LPIN1: variants seen among roughly 807,000 people sequenced by gnomAD.
LPIN1 encodes phosphatidate phosphatase LPIN1.
Under a neutral mutation model 107.5 loss-of-function variants are expected in LPIN1, and 71 were observed. The ratio of observed to expected loss-of-function variants is 0.66; its 90% CI spans 0.55 to 0.80. LPIN1 has a LOEUF of 0.80. Ranked by LOEUF, LPIN1 falls within the 30% of genes least tolerant of loss-of-function variation. The pLI, the probability that LPIN1 is intolerant of heterozygous loss-of-function variation, is 0.00. For synonymous variants in LPIN1, 445 were observed against 452.6 expected, an observed-to-expected ratio of 0.98 and a Z score of 0.21; for missense variants, 1,043 against 1,160.6, an observed-to-expected ratio of 0.90 and a Z score of 1.47.
At chr2:11,753,965 C>T (rs114983780) in intron 1 of LPIN1, among the ~76,000 whole-genome samples, 294 of 152,214 alleles carry the variant, frequency 1.9e-3, no homozygotes, top group African/African-American at 6.0e-3. Flanking sequence ...CAGTGCTGGG[C>T]GGACCACAGA....
chr2:11,694,962 C>T (rs1662497437), intron 1 of LPIN1, among the ~76,000 whole-genome samples: 1 of 152,188 alleles, frequency 6.6e-6, no homozygotes, highest in African/African-American at 2.4e-5. Context: ...GATCATCCAT[C>T]ATCTGGGCTG....
chr2:11,705,222 C>A (rs1333021060), intron 1 of LPIN1, among the ~76,000 whole-genome samples: 1 of 152,300 alleles, frequency 6.6e-6, no homozygotes, highest in African/African-American at 2.4e-5. Flanking sequence ...GCTCACCCAT[C>A]CCCCAACACT....
In LPIN1 at chr2:11,815,206, C is replaced by T; in HGVS notation, c.2368C>T (p.Leu790=). 1 of 1,614,180 alleles carries T rather than the reference C, an allele frequency of 6.2e-7. No individual in the cohort carries two copies. The part of the protein sequence containing the change: ...GTVLPQGPLL[L]SPSSLFSALH... ...GGTGCTGCCCCAGGGGCCCCTGCTG[C>T]TGAGTCCCAGCAGCCTCTTCTCTGC... Residue 790 remains leucine (L), a synonymous_variant, in exon 18 of 21, where the codon CTG becomes TTG. Coordinates refer to ENST00000674199, the MANE Select transcript of LPIN1 (RefSeq NM_001349206.2).
At chr2:11,776,217 G>A in intron 6 of LPIN1, 24 bp downstream of exon 6, 8 of 1,427,412 alleles carry the variant, frequency 5.6e-6, no homozygotes, top group South Asian at 1.3e-5. Context: ...TTTCCCCATT[G>A]GGATATATTC....
chr2:11,765,504 G>T lies in LPIN1; in HGVS notation c.-9-29G>T. 2 of 1,543,514 alleles carry T rather than the reference G, an allele frequency of 1.3e-6. No individual in the cohort carries two copies. The highest frequency in any genetic ancestry group is 1.7e-6 in the Non-Finnish European group (2 of 1,145,956). ...TCTTCCTTGGATTAATTGTGTGTCT[G>T]TGTGTGTTTTTTTTTGTCTGTTTTC... On this transcript the variant is annotated intron_variant, in intron 1 of 20. Transcript: ENST00000674199. The surrounding 1 kb of genome is among the most constrained non-coding windows in gnomAD (Gnocchi z 4.4).
chr2:11,808,470 A>G (rs139003036), intron 17 of LPIN1, among the ~76,000 whole-genome samples: 1 of 152,212 alleles, frequency 6.6e-6, no homozygotes. Context: ...CTAGGGTACC[A>G]GGGAAAAGAT....
intron 1 of LPIN1, among the ~76,000 whole-genome samples, chr2:11,692,593 A>C (rs554473167): frequency 6.6e-6 from 1 of 152,266 alleles, no homozygotes; most frequent in Non-Finnish European, 1.5e-5. Context: ...AGTGCTTAGC[A>C]ATAAGGAGCA....
At chr2:11,712,127 C>T (rs1157349705) in intron 1 of LPIN1, among the ~76,000 whole-genome samples, 1 of 152,214 alleles carries the variant, frequency 6.6e-6, no homozygotes, top group African/African-American at 2.4e-5. Flanking sequence ...TGCCTCCTTG[C>T]CCCCTGATCC....
At chr2:11,685,081 C>T (rs545512888) in intron 1 of LPIN1, among the ~76,000 whole-genome samples, 30 of 152,104 alleles carry the variant, frequency 2.0e-4, no homozygotes, top group African/African-American at 6.8e-4. Flanking sequence ...GAGCCCGAGA[C>T]GGGAGGATGA....
intron 1 of LPIN1, among the ~76,000 whole-genome samples, chr2:11,763,993 A>G (rs200398002): frequency 0.16 from 14,975 of 93,348 alleles, 1,213 homozygotes; most frequent in African/African-American, 0.32. Context: ...GTGTGTATAT[A>G]TATATATATA....
chr2:11,787,402 T>C (rs1433253133), intron 11 of LPIN1, among the ~76,000 whole-genome samples: 9 of 141,526 alleles, frequency 6.4e-5, no homozygotes, highest in East Asian at 2.0e-4. Flanking sequence ...CTTTTTCTTT[T>C]TTTTTTTTTT....
chr2:11,677,635 T>C (rs2148495515), exon 1 of LPIN1: 2 of 1,532,424 alleles, frequency 1.3e-6, no homozygotes, highest in South Asian at 2.4e-5. Context: ...GACAGCACCA[T>C]ACAGGGCGGG....
chr2:11,802,055 CT>C (rs1307396864), intron 14 of LPIN1, among the ~76,000 whole-genome samples: 1 of 152,106 alleles, frequency 6.6e-6, no homozygotes, highest in Non-Finnish European at 1.5e-5. Flanking sequence ...GGATGTGCTG[CT>C]TTGGGGGCCA....
intron 20 of LPIN1, among the ~76,000 whole-genome samples, chr2:11,822,251 T>G (rs1321620447): frequency 7.7e-6 from 1 of 130,274 alleles, no homozygotes; most frequent in Non-Finnish European, 1.6e-5. Context: ...ACCAACATGG[T>G]GAAACCCTGT....
At chr2:11,705,530 C>A (rs890950835) in intron 1 of LPIN1, among the ~76,000 whole-genome samples, 9 of 152,156 alleles carry the variant, frequency 5.9e-5, no homozygotes, top group Admixed American at 1.3e-4. Context: ...CCAGGGACAG[C>A]CCCTATGAGG....
At chr2:11,681,376 T>C (rs1272606953) in intron 1 of LPIN1, 1 of 152,312 alleles carries the variant, frequency 6.6e-6, no homozygotes, top group Non-Finnish European at 1.5e-5. Flanking sequence ...CCTTTGCTGT[T>C]CTCATGAGAG....
At chr2:11,740,684 GAAA>G (rs56188204) in intron 1 of LPIN1, among the ~76,000 whole-genome samples, 1,414 of 81,518 alleles carry the variant, frequency 0.017, 21 homozygotes, top group African/African-American at 0.054. Context: ...GCTCTATCTC[GAAA>G]AAAAAAAAAA....
intron 1 of LPIN1, among the ~76,000 whole-genome samples, chr2:11,756,677 G>A (rs751525061): frequency 2.0e-5 from 3 of 152,196 alleles, no homozygotes; most frequent in Admixed American, 6.5e-5. Context: ...CATTATAGGC[G>A]TGAGTGCCCG....
Position 11,819,035 on chromosome 2 carries a change from T to TAC in LPIN1, c.2403-443_2403-442dup, listed in dbSNP as rs1280563195. On this transcript the variant is annotated intron_variant, in intron 18 of 20. Transcript: ENST00000674199. ...CTTTTATACATTGCTACAATTTGTA[T>TAC]ACACACATACACACACACACACACA... The TAC allele has an allele frequency of 8.4e-5, 12 of 143,662 alleles. No individual in the cohort carries two copies. In the East Asian group the frequency reaches 1.6e-3, roughly 19 times the overall value. The allele number at this position is 143,662 out of a possible 1,614,324, so 8.9% of individuals were successfully genotyped here. A position where few individuals can be genotyped will look rare whatever the true frequency, so the allele number is the denominator to read the frequency against.
Sources: gnomAD v4.1 joint callset for allele counts (sites outside exome capture counted in the v4.1 genomes callset) on GRCh38, gnomAD v4.1.1 for gene constraint, Gnocchi (gnomAD v3.1) non-coding constraint, MANE v1.5 for transcripts, NCBI Gene and HGNC (gene_info 2026-07-23, HGNC 2026-07-21) for gene names.